Variants in GALNTL5 observed in about 807,000 individuals in gnomAD.
GALNTL5 encodes the protein polypeptide N-acetylgalactosaminyltransferase like 5.
GALNTL5 carries 44 observed loss-of-function variants against 51.0 expected under a neutral mutation model. That is an observed-to-expected ratio of 0.86 (90% CI 0.68 to 1.11). The LOEUF is 1.11. Among genes scored for constraint, GALNTL5 ranks in the 50% least tolerant of loss-of-function variants. The pLI is 0.00. For missense variants in GALNTL5, 528 were observed against 531.8 expected, an observed-to-expected ratio of 0.99 and a Z score of 0.07; for synonymous variants, 192 against 182.8, an observed-to-expected ratio of 1.05 and a Z score of -0.41.
At chr7:151,994,425 T>C (rs2081467970) in intron 5 of GALNTL5, among the ~76,000 whole-genome samples, 1 of 152,158 alleles carries the variant, frequency 6.6e-6, no homozygotes, top group African/African-American at 2.4e-5. Flanking sequence ...TCCTGGGAGC[T>C]ATTTGCATTA....
intron 7 of GALNTL5, among the ~76,000 whole-genome samples, chr7:152,008,296 G>A (rs2081678904): frequency 8.1e-6 from 1 of 124,116 alleles, no homozygotes; most frequent in Non-Finnish European, 1.7e-5. Context: ...GCCCAGGGTG[G>A]TCTTGAACTC....
intron 8 of GALNTL5, among the ~76,000 whole-genome samples, chr7:152,018,151 G>A (rs2081843391): frequency 6.6e-6 from 1 of 152,144 alleles, no homozygotes; most frequent in Non-Finnish European, 1.5e-5. Flanking sequence ...GCCTTGAAAT[G>A]AGAATTATTG....
At chr7:152,015,692 G>A (rs549897859) in intron 8 of GALNTL5, among the ~76,000 whole-genome samples, 4 of 152,042 alleles carry the variant, frequency 2.6e-5, no homozygotes, top group East Asian at 1.9e-4. Flanking sequence ...TTTCTTCCCC[G>A]CTGATTTCCC....
At chr7:151,993,399 T>G (rs1190902528) in intron 5 of GALNTL5, among the ~76,000 whole-genome samples, 2 of 152,218 alleles carry the variant, frequency 1.3e-5, no homozygotes, top group African/African-American at 4.8e-5. Context: ...TGCAGAGAAC[T>G]GGCCAATAAA....
chr7:151,956,994 G>A (rs1391498829), intron 1 of GALNTL5, among the ~76,000 whole-genome samples: 2 of 151,992 alleles, frequency 1.3e-5, no homozygotes, highest in African/African-American at 4.8e-5. Flanking sequence ...GATGGTCCTA[G>A]GAAAGCTAGG....
At chr7:151,968,030 T>C (rs2081081594) in intron 2 of GALNTL5, among the ~76,000 whole-genome samples, 1 of 152,204 alleles carries the variant, frequency 6.6e-6, no homozygotes, top group African/African-American at 2.4e-5. Context: ...GCATGGTGGC[T>C]CACACATGTA....
intron 3 of GALNTL5, among the ~76,000 whole-genome samples, chr7:151,981,358 T>C (rs986388307): frequency 1.3e-5 from 2 of 152,176 alleles, no homozygotes; most frequent in Admixed American, 6.5e-5. Context: ...TCATTGCATC[T>C]TCACAGCCCT....
intron 1 of GALNTL5, among the ~76,000 whole-genome samples, chr7:151,959,592 A>G (rs970598391): frequency 2.0e-5 from 3 of 152,176 alleles, no homozygotes; most frequent in African/African-American, 4.8e-5. Context: ...CAAAATTTAC[A>G]TTCCCCCTCC....
At chr7:151,957,397 A>C (rs2080938976) in intron 1 of GALNTL5, among the ~76,000 whole-genome samples, 1 of 151,112 alleles carries the variant, frequency 6.6e-6, no homozygotes, top group African/African-American at 2.4e-5. Context: ...AAAAAAAAAA[A>C]AAACAGGCGT....
chr7:152,011,957 G>A (rs2081743422), intron 7 of GALNTL5, among the ~76,000 whole-genome samples: 1 of 152,164 alleles, frequency 6.6e-6, no homozygotes, highest in East Asian at 1.9e-4. Context: ...TCTGTCCATG[G>A]TTGGCCAAAG....
intron 7 of GALNTL5, among the ~76,000 whole-genome samples, chr7:152,008,981 C>A (rs1020447933): frequency 6.6e-6 from 1 of 152,002 alleles, no homozygotes; most frequent in African/African-American, 2.4e-5. Context: ...TTTTTCTGGC[C>A]CTACATTCCC....
chr7:151,995,058 C>G (rs1310702010), intron 5 of GALNTL5: 1 of 152,720 alleles, frequency 6.5e-6, no homozygotes, highest in Non-Finnish European at 1.5e-5. Context: ...CGCCCGGCCT[C>G]CCCCATTTCT....
chr7:151,957,253 T>A (rs537189804), intron 1 of GALNTL5, among the ~76,000 whole-genome samples: 135 of 151,966 alleles, frequency 8.9e-4, no homozygotes, highest in African/African-American at 2.0e-3. Context: ...CGTATTTTTT[T>A]AAAAACTTGG....
chr7:152,005,394 C>T (rs1269300651), intron 6 of GALNTL5, among the ~76,000 whole-genome samples: 1 of 152,184 alleles, frequency 6.6e-6, no homozygotes, highest in Non-Finnish European at 1.5e-5. Flanking sequence ...CACTTTCTCC[C>T]TGCTGTCTCA....
chr7:151,975,934 A>T (rs898318526), intron 3 of GALNTL5, among the ~76,000 whole-genome samples: 4 of 152,184 alleles, frequency 2.6e-5, no homozygotes, highest in African/African-American at 9.7e-5. Flanking sequence ...GTCAGAAAAG[A>T]TACTTGATAT....
chr7:151,969,085 G>C (rs1325216467), intron 2 of GALNTL5, among the ~76,000 whole-genome samples: 1 of 151,902 alleles, frequency 6.6e-6, no homozygotes, highest in East Asian at 1.9e-4. Flanking sequence ...CTCTTTAATG[G>C]TGTTATTCAA....
intron 6 of GALNTL5, among the ~76,000 whole-genome samples, chr7:152,005,894 T>C (rs2081635986): frequency 6.6e-6 from 1 of 152,156 alleles, no homozygotes; most frequent in South Asian, 2.1e-4. Flanking sequence ...CACAATCCTA[T>C]ATGGATTCAA....
At chr7:151,982,809 A>G (rs1219600036) in intron 3 of GALNTL5, 177 bp from the exon 4 acceptor site, 2 of 1,328,714 alleles carry the variant, frequency 1.5e-6, no homozygotes, top group Non-Finnish European at 1.0e-6. Context: ...TTAGAACAAC[A>G]TAAGAAGTTA....
chr7:152,007,974 A>G (rs2081672122), intron 7 of GALNTL5, 30 bp downstream of exon 7: 2 of 1,197,570 alleles, frequency 1.7e-6, no homozygotes, highest in Middle Eastern at 2.0e-4. Context: ...TAAAATAGCT[A>G]TAGAGAGTGA....
Sources: allele counts gnomAD v4.1 joint callset (sites outside exome capture counted in the v4.1 genomes callset), GRCh38; gene constraint gnomAD v4.1.1; transcripts MANE v1.5; gene names NCBI Gene and HGNC (gene_info 2026-07-23, HGNC 2026-07-21).